The following CPED1 variants were observed in gnomAD, a reference collection of about 807,000 sequenced individuals.
CPED1 encodes the protein cadherin-like and PC-esterase domain-containing protein 1.
In CPED1, 114 loss-of-function variants were observed where a neutral mutation model predicts 128.2. The observed-to-expected ratio is 0.89, with a 90% confidence interval of 0.76 to 1.04. The LOEUF (loss-of-function observed/expected upper bound fraction) is 1.04, where lower values mean the gene tolerates loss of function less well. Ranked by LOEUF, CPED1 falls within the 50% of genes least tolerant of loss-of-function variation. The pLI, the probability that CPED1 is intolerant of heterozygous loss-of-function variation, is 0.00. For synonymous variants in CPED1, 462 were observed against 426.7 expected (o/e 1.08, Z -1.02); for missense variants, 1,211 against 1,207.1 (o/e 1.00, Z -0.05).
chr7:121,115,273 A>G (rs556509864), intron 7 of CPED1, among the ~76,000 whole-genome samples: 2 of 152,214 alleles, frequency 1.3e-5, no homozygotes, highest in African/African-American at 4.8e-5. Context: ...TAGCCCATGT[A>G]AAAGAATGAA....
intron 7 of CPED1, among the ~76,000 whole-genome samples, chr7:121,107,943 G>T (rs1269767659): frequency 6.6e-6 from 1 of 152,062 alleles, no homozygotes; most frequent in African/African-American, 2.4e-5. Flanking sequence ...AATCTGACTT[G>T]CATTTGTCTT....
chr7:121,050,846 C>T (rs1401918815), intron 4 of CPED1: 4 of 467,364 alleles, frequency 8.6e-6, no homozygotes, highest in South Asian at 3.1e-5. Context: ...AGCCCAGCTT[C>T]GCGAAGGCTC....
chr7:121,095,821 C>T (rs1010647332), intron 5 of CPED1, among the ~76,000 whole-genome samples: 5 of 152,120 alleles, frequency 3.3e-5, no homozygotes, highest in Admixed American at 2.0e-4. Flanking sequence ...CTTAATATGT[C>T]TAGCTTCTTT....
Position 121,105,084 on chromosome 7 carries a change from C to A in CPED1, c.918+4990C>A, listed in dbSNP as rs541387108. On this transcript the variant is annotated intron_variant, in intron 7 of 22. Transcript: ENST00000310396. ...GGCCTTCAGGGGACCATTCTTCCAT[C>A]TCCAGTGCTTGCAGTTCCCTCTCAC... Among the ~76,000 whole-genome samples, 114 of 152,156 alleles carry A rather than the reference C, an allele frequency of 7.5e-4. 1 individual carries two copies. Among genetic ancestry groups the A allele is most frequent in the African/African-American group, 2.7e-3 (111 of 41,552 alleles).
intron 16 of CPED1, among the ~76,000 whole-genome samples, chr7:121,222,159 C>T (rs1016759028): frequency 3.3e-5 from 5 of 152,176 alleles, no homozygotes; most frequent in African/African-American, 9.7e-5. Flanking sequence ...GATCCAGTTT[C>T]AGCTTTCTAC....
intron 16 of CPED1, among the ~76,000 whole-genome samples, chr7:121,233,786 A>G (rs1425809900): frequency 6.6e-6 from 1 of 152,040 alleles, no homozygotes; most frequent in Non-Finnish European, 1.5e-5. Flanking sequence ...GGAATAGAGA[A>G]ATTTGGCTGC....
Position 121,066,805 on chromosome 7 carries a change from A to C in CPED1, c.616+2492A>C, listed in dbSNP as rs1452720742. Among the ~76,000 whole-genome samples, 4 of 152,146 alleles carry C rather than the reference A, an allele frequency of 2.6e-5. No homozygotes were observed. In the East Asian group the frequency reaches 7.7e-4, roughly 29 times the overall value. ...CTGTGGGTTCCACATCCCTGGATTC[A>C]ACCAACCATGGATAGAAGTATTAGG... is the stretch of plus-strand genomic sequence containing the variant. On this transcript the variant is annotated intron_variant, in intron 5 of 22. Transcript: ENST00000310396.
At chr7:121,176,174 C>T (rs1358332031) in intron 16 of CPED1, among the ~76,000 whole-genome samples, 3 of 143,862 alleles carry the variant, frequency 2.1e-5, no homozygotes, top group Non-Finnish European at 4.5e-5. Context: ...CAAACAATAT[C>T]CCTCCATCCT....
At chr7:121,094,343 A>G (rs1048932385) in intron 5 of CPED1, among the ~76,000 whole-genome samples, 6 of 152,200 alleles carry the variant, frequency 3.9e-5, no homozygotes, top group Non-Finnish European at 8.8e-5. Flanking sequence ...ACATTAAATC[A>G]AATGCAATAT....
At chr7:121,122,867 A>G (rs1043702374) in intron 7 of CPED1, among the ~76,000 whole-genome samples, 2 of 152,226 alleles carry the variant, frequency 1.3e-5, no homozygotes, top group Admixed American at 1.3e-4. Context: ...ATAAAATCTT[A>G]TAATTTATCT....
At chr7:121,291,120 T>C (rs1229512147) in intron 22 of CPED1, among the ~76,000 whole-genome samples, 1 of 152,154 alleles carries the variant, frequency 6.6e-6, no homozygotes, top group African/African-American at 2.4e-5. Flanking sequence ...TGTAGATGTG[T>C]GGTGTCATTT....
At chr7:121,016,028 A>T (rs1792293269) in intron 3 of CPED1, among the ~76,000 whole-genome samples, 180 bp downstream of exon 3, 1 of 152,192 alleles carries the variant, frequency 6.6e-6, no homozygotes, top group Non-Finnish European at 1.5e-5. Context: ...TTTTTCTTTA[A>T]CTGTGTCTCT....
chr7:121,256,129 C>CAAAAAAAAAAAAAA (rs201393067), intron 18 of CPED1, among the ~76,000 whole-genome samples: 4 of 101,264 alleles, frequency 4.0e-5, no homozygotes, highest in Non-Finnish European at 7.5e-5. Flanking sequence ...AAAAACAAAA[C>CAAAAAAAAAAAAAA]AAAAAAAAAA....
At chr7:121,128,347 A>C (rs751303355) in intron 10 of CPED1, 35 bp from the exon 11 acceptor site, 1 of 1,197,582 alleles carries the variant, frequency 8.4e-7, no homozygotes, top group South Asian at 1.2e-5. Flanking sequence ...TGACTTTTTA[A>C]CAATTGCTTA....
intron 3 of CPED1, among the ~76,000 whole-genome samples, chr7:121,038,953 A>T (rs1390295249): frequency 6.6e-6 from 1 of 152,070 alleles, no homozygotes; most frequent in East Asian, 1.9e-4. Context: ...GTTCACGTTA[A>T]CCTGATTATC....
intron 16 of CPED1, among the ~76,000 whole-genome samples, chr7:121,153,706 C>A (rs1796212052): frequency 6.6e-6 from 1 of 152,166 alleles, no homozygotes; most frequent in Non-Finnish European, 1.5e-5. Flanking sequence ...GCCACTCTAT[C>A]ACATACCAAA....
At chr7:121,252,882 A>G (rs1231983715) in intron 18 of CPED1, among the ~76,000 whole-genome samples, 2 of 152,190 alleles carry the variant, frequency 1.3e-5, no homozygotes, top group Admixed American at 6.5e-5. Context: ...AACTAGTTCA[A>G]CCATTGTGGA....
intron 3 of CPED1, among the ~76,000 whole-genome samples, chr7:121,026,240 C>T (rs1466450245): frequency 6.6e-6 from 1 of 152,170 alleles, no homozygotes; most frequent in African/African-American, 2.4e-5. Flanking sequence ...GAACTGGAAT[C>T]TCAAGTTTTC....
At chr7:121,244,730 G>A (rs1798484204) in intron 18 of CPED1, among the ~76,000 whole-genome samples, 1 of 152,208 alleles carries the variant, frequency 6.6e-6, no homozygotes, top group Non-Finnish European at 1.5e-5. Context: ...CTGCAGCTCA[G>A]CACAGGAAAT....
Sources: gnomAD v4.1 joint callset for allele counts (sites outside exome capture counted in the v4.1 genomes callset) on GRCh38, gnomAD v4.1.1 for gene constraint, MANE v1.5 for transcripts, NCBI Gene and HGNC (gene_info 2026-07-23, HGNC 2026-07-21) for gene names.